DIAPH2: variants seen among roughly 807,000 people sequenced by gnomAD.
The protein encoded by DIAPH2 is protein diaphanous homolog 2.
DIAPH2 carries 35 observed loss-of-function variants against 92.7 expected under a neutral mutation model. That is an observed-to-expected ratio of 0.38 (90% CI 0.29 to 0.50). The LOEUF is 0.50. DIAPH2 is among the 20% of genes least tolerant of loss of function. The pLI, the probability that DIAPH2 is intolerant of heterozygous loss-of-function variation, is 0.94. For missense variants in DIAPH2, 701 were observed against 819.5 expected (o/e 0.86, Z 1.77); for synonymous variants, 301 against 280.4 (o/e 1.07, Z -0.73).
At chrX:96,923,051 T>C (rs1225444972) in intron 9 of DIAPH2, among the ~76,000 whole-genome samples, 2 of 111,321 alleles carry the variant, frequency 1.8e-5, no homozygotes, top group African/African-American at 6.5e-5. Flanking sequence ...CAGTTGAAAC[T>C]GCTTTCTAGA....
chrX:97,007,761 C>CTTTTTTT, intron 17 of DIAPH2, among the ~76,000 whole-genome samples: 32 of 80,949 alleles, frequency 4.0e-4, no homozygotes, highest in Admixed American at 5.6e-4. Context: ...TTCTTTTTTT[C>CTTTTTTT]TTTTTTTTTT....
intron 25 of DIAPH2, among the ~76,000 whole-genome samples, chrX:97,392,388 G>A (rs2069668011): frequency 8.9e-6 from 1 of 111,876 alleles, no homozygotes; most frequent in African/African-American, 3.2e-5. Flanking sequence ...TTTCATTTTT[G>A]TCAGAGAAAT....
At chrX:97,297,453 C>T (rs937709403) in intron 23 of DIAPH2, among the ~76,000 whole-genome samples, 1 of 110,112 alleles carries the variant, frequency 9.1e-6, no homozygotes, top group Non-Finnish European at 1.9e-5. Context: ...GGGCTCTAAC[C>T]ACCTGTCAGT....
chrX:96,706,081 A>T (rs1042295071), intron 1 of DIAPH2, among the ~76,000 whole-genome samples: 2 of 112,343 alleles, frequency 1.8e-5, no homozygotes, highest in African/African-American at 6.5e-5. Context: ...TGTACACATA[A>T]ATCTAAATTC....
At chrX:97,024,175 A>G (rs755719765) in intron 17 of DIAPH2, among the ~76,000 whole-genome samples, 14 of 112,349 alleles carry the variant, frequency 1.2e-4, no homozygotes, top group Non-Finnish European at 2.6e-4. Flanking sequence ...AGCAAATTAG[A>G]AAACTTTACA....
chrX:96,799,840 A>T (rs953624230), intron 4 of DIAPH2, among the ~76,000 whole-genome samples: 6 of 109,291 alleles, frequency 5.5e-5, no homozygotes, highest in Admixed American at 2.0e-4. Flanking sequence ...AACCTTTCTT[A>T]ATTCTAGAAA....
At chrX:96,887,272 T>C (rs1192309299) in intron 5 of DIAPH2, among the ~76,000 whole-genome samples, 1 of 111,813 alleles carries the variant, frequency 8.9e-6, no homozygotes, top group Middle Eastern at 4.2e-3. Flanking sequence ...ATTTTTAAAG[T>C]TCATTTTGAA....
At chrX:97,368,784 A>G (rs1038325656) in intron 24 of DIAPH2, among the ~76,000 whole-genome samples, 2 of 111,444 alleles carry the variant, frequency 1.8e-5, no homozygotes, top group African/African-American at 6.5e-5. Flanking sequence ...TAAGTAAGAA[A>G]TAGTTATTGC....
intron 22 of DIAPH2, among the ~76,000 whole-genome samples, chrX:97,215,597 A>G (rs925131097): frequency 6.3e-5 from 7 of 111,638 alleles, no homozygotes; most frequent in Non-Finnish European, 1.1e-4. Flanking sequence ...ATAGGTCTTC[A>G]TATGCCCCTT....
intron 4 of DIAPH2, among the ~76,000 whole-genome samples, chrX:96,815,203 C>T (rs1265708924): frequency 8.9e-6 from 1 of 111,881 alleles, no homozygotes; most frequent in African/African-American, 3.2e-5. Context: ...GTTTGAGCTT[C>T]CCCAGCCGCT....
intron 22 of DIAPH2, among the ~76,000 whole-genome samples, chrX:97,209,193 C>T (rs1249469919): frequency 1.8e-5 from 2 of 110,784 alleles, no homozygotes; most frequent in Non-Finnish European, 3.8e-5. Context: ...GATCTGTAAA[C>T]ATTTTTCTAC....
At chrX:96,978,058 T>A (rs1480895823) in intron 17 of DIAPH2, among the ~76,000 whole-genome samples, 1 of 112,132 alleles carries the variant, frequency 8.9e-6, no homozygotes, top group African/African-American at 3.2e-5. Flanking sequence ...CATTGCTGTA[T>A]AAAACTACAA....
chrX:97,064,622 A>G (rs902614017), intron 17 of DIAPH2, among the ~76,000 whole-genome samples: 5 of 110,858 alleles, frequency 4.5e-5, no homozygotes, highest in Admixed American at 2.0e-4. Flanking sequence ...CATCAAATTC[A>G]GAATTATATT....
At chrX:97,495,838 A>T (rs773940728) in intron 26 of DIAPH2, among the ~76,000 whole-genome samples, 25 of 111,869 alleles carry the variant, frequency 2.2e-4, no homozygotes, top group Non-Finnish European at 4.1e-4. Flanking sequence ...CATTTTAACC[A>T]TTCCCCTACA....
chrX:96,987,697 G>T (rs2066041718), intron 17 of DIAPH2, among the ~76,000 whole-genome samples: 1 of 111,170 alleles, frequency 9.0e-6, no homozygotes, highest in African/African-American at 3.3e-5. Context: ...TCTGCTTATT[G>T]TCTTATTTCT....
chrX:96,928,879 A>G (rs2065600923), intron 9 of DIAPH2, among the ~76,000 whole-genome samples: 1 of 111,600 alleles, frequency 9.0e-6, no homozygotes, highest in Non-Finnish European at 1.9e-5. Context: ...TATTAAAGTT[A>G]TATTGATACA....
At chrX:97,456,372 G>T (rs1320660548) in intron 26 of DIAPH2, among the ~76,000 whole-genome samples, 1 of 108,009 alleles carries the variant, frequency 9.3e-6, no homozygotes, top group Non-Finnish European at 1.9e-5. Flanking sequence ...GGGCGACAGA[G>T]CAAGACTCCG....
intron 1 of DIAPH2, among the ~76,000 whole-genome samples, chrX:96,735,242 A>T (rs2064079489): frequency 8.9e-6 from 1 of 112,147 alleles, no homozygotes; most frequent in African/African-American, 3.2e-5. Context: ...GATAGTTTTT[A>T]AAAATAAGTT....
chrX:97,431,321 A>T (rs2070124395), intron 26 of DIAPH2: 1 of 112,524 alleles, frequency 8.9e-6, no homozygotes, highest in Admixed American at 9.4e-5. Context: ...TAAGCAGCTG[A>T]TAAGTGAAAA....
Sources: gnomAD v4.1 joint callset for allele counts (sites outside exome capture counted in the v4.1 genomes callset) on GRCh38, gnomAD v4.1.1 for gene constraint, MANE v1.5 for transcripts, NCBI Gene and HGNC (gene_info 2026-07-23, HGNC 2026-07-21) for gene names.